Variants in CDON observed in about 807,000 individuals in gnomAD.
CDON encodes cell adhesion associated, oncogene regulated.
In CDON, 73 loss-of-function variants were observed where a neutral mutation model predicts 120.9. That is an observed-to-expected ratio of 0.60 (90% CI 0.50 to 0.73). CDON has a LOEUF of 0.73. Ranked by LOEUF, CDON falls within the 30% of genes least tolerant of loss-of-function variation. CDON has a pLI of 0.00. For synonymous variants in CDON, 566 were observed against 573.5 expected, an observed-to-expected ratio of 0.99 and a Z score of 0.19; for missense variants, 1,470 against 1,587.3, an observed-to-expected ratio of 0.93 and a Z score of 1.26.
intron 11 of CDON, among the ~76,000 whole-genome samples, chr11:126,000,866 AG>A (rs770212484): frequency 6.6e-5 from 10 of 152,200 alleles, no homozygotes; most frequent in Non-Finnish European, 1.0e-4. Context: ...TGAAATTTTA[AG>A]TCTTCCCTAG....
At chr11:126,051,731 T>C (rs1948563911) in intron 1 of CDON, among the ~76,000 whole-genome samples, 1 of 150,068 alleles carries the variant, frequency 6.7e-6, no homozygotes, top group Admixed American at 6.8e-5. Context: ...CCCTGCAACC[T>C]CTGCCTCCCG....
At chr11:126,050,533 A>ACACACAC (rs1555140419) in intron 1 of CDON, among the ~76,000 whole-genome samples, 48 of 132,334 alleles carry the variant, frequency 3.6e-4, no homozygotes, top group East Asian at 9.4e-4. Context: ...CACACACACA[A>ACACACAC]ACAAAAAAAA....
At chr11:125,997,102 G>T in intron 12 of CDON, 105 bp downstream of exon 12, 1 of 885,532 alleles carries the variant, frequency 1.1e-6, no homozygotes, top group Non-Finnish European at 1.8e-6. Flanking sequence ...TTATGCCACT[G>T]CACTCCAGCC....
chr11:126,024,288 A>C (rs1947725097), intron 1 of CDON, among the ~76,000 whole-genome samples: 1 of 152,228 alleles, frequency 6.6e-6, no homozygotes, highest in African/African-American at 2.4e-5. Context: ...AATGTTATTT[A>C]TGCTTTAAAA....
At chr11:126,009,414 G>A (rs577531893) in intron 8 of CDON, among the ~76,000 whole-genome samples, 1 of 152,212 alleles carries the variant, frequency 6.6e-6, no homozygotes, top group Non-Finnish European at 1.5e-5. Context: ...GGCCAGGGGA[G>A]AGGAACTGTG....
Position 125,970,249 on chromosome 11 carries a change from A to C in CDON, c.3356+8055T>G, listed in dbSNP as rs191694850. ...GAGTGCAGTGGCGCGATCTCGACTC[A>C]CCGCAACCTCTGCCTCCCGGATTCA... is the stretch of plus-strand genomic sequence containing the variant. On this transcript the variant is annotated intron_variant, in intron 18 of 19. Transcript: ENST00000531738. Among the ~76,000 whole-genome samples the C allele has an allele frequency of 2.7e-3, 388 of 143,076 alleles. 9 individuals are homozygous for C. The East Asian group carries it at 0.068, about 25-fold the overall frequency. The allele number at this position is 143,076 out of a possible 152,430, so 93.9% of individuals were successfully genotyped here. A position where few individuals can be genotyped will look rare whatever the true frequency, so the allele number is the denominator to read the frequency against.
intron 18 of CDON, among the ~76,000 whole-genome samples, chr11:125,967,115 A>G (rs1360017835): frequency 6.6e-6 from 1 of 152,252 alleles, no homozygotes; most frequent in Non-Finnish European, 1.5e-5. Flanking sequence ...AAAAGCAGTA[A>G]TGTTAATATC....
intron 14 of CDON, among the ~76,000 whole-genome samples, chr11:125,990,463 C>A (rs1946604903): frequency 6.6e-6 from 1 of 152,172 alleles, no homozygotes; most frequent in African/African-American, 2.4e-5. Context: ...ACTGAACACT[C>A]CAGTAGAAAT....
intron 18 of CDON, among the ~76,000 whole-genome samples, chr11:125,967,683 T>C (rs1033294272): frequency 2.6e-5 from 4 of 152,210 alleles, no homozygotes; most frequent in Non-Finnish European, 5.9e-5. Context: ...TCTCACTCTG[T>C]TGCCCAGGCT....
At chr11:126,027,761 G>A (rs1295606165) in intron 1 of CDON, among the ~76,000 whole-genome samples, 1 of 151,976 alleles carries the variant, frequency 6.6e-6, no homozygotes, top group Non-Finnish European at 1.5e-5. Context: ...TTTCAATCTG[G>A]AAATAATGAC....
chr11:125,973,707 T>C (rs1170122361), intron 18 of CDON, among the ~76,000 whole-genome samples: 3 of 152,150 alleles, frequency 2.0e-5, no homozygotes, highest in East Asian at 3.9e-4. Flanking sequence ...GTTTTAGAGA[T>C]TGTGTATAAA....
Position 125,978,285 on chromosome 11 carries a change from A to G in CDON, c.3356+19T>C, listed in dbSNP as rs766681106. 9.7e-6 allele frequency: 14 copies of G among 1,437,736 alleles called. No homozygotes were observed. Among genetic ancestry groups the G allele is most frequent in the Non-Finnish European group, 1.3e-5 (13 of 1,024,460 alleles). The allele number at this position is 1,437,736 out of a possible 1,614,324, so 89.1% of individuals were successfully genotyped here. A position where few individuals can be genotyped will look rare whatever the true frequency, so the allele number is the denominator to read the frequency against. On this transcript the variant is annotated intron_variant, in intron 18 of 19. Transcript: ENST00000531738. ...ATGCCTTATTCACAACAGCTTGTGC[A>G]GACACATTATTAACATACCTATTGT...
At chr11:125,982,009 G>GTTTTTTTTTTTTTTT (rs1946326534) in intron 16 of CDON, among the ~76,000 whole-genome samples, 1 of 62,292 alleles carries the variant, frequency 1.6e-5, no homozygotes, top group African/African-American at 8.5e-5. Context: ...TTGAGATGGA[G>GTTTTTTTTTTTTTTT]TTTCGCTCTT....
chr11:125,995,657 C>T (rs1018650110), intron 12 of CDON, among the ~76,000 whole-genome samples: 5 of 152,162 alleles, frequency 3.3e-5, no homozygotes, highest in African/African-American at 1.2e-4. Flanking sequence ...TTCTGAAAAT[C>T]GGAACCTAAA....
chr11:125,995,942 G>A (rs1946768470), intron 12 of CDON, among the ~76,000 whole-genome samples: 1 of 152,146 alleles, frequency 6.6e-6, no homozygotes, highest in South Asian at 2.1e-4. Context: ...TATGCTTTTT[G>A]TCTTTTATGG....
intron 1 of CDON, among the ~76,000 whole-genome samples, chr11:126,028,907 C>A (rs751651887): frequency 6.6e-6 from 1 of 151,812 alleles, no homozygotes; most frequent in East Asian, 1.9e-4. Context: ...AAATCTTAAA[C>A]CACTCTTCTA....
At position 125,997,246 on chromosome 11, in the gene CDON, G is replaced by A. The variant is rs1314291903; in HGVS notation, c.2323C>T (p.Pro775Ser). ...CGAACTTCCACTGAAAGTTTGGAAG[G>A]AGGGATGTCTTCAGCTGCCACCAGC... ...NWLVAAEDIP[P>S]SKLSVEVRSL... The change falls in exon 12 of 20, where the codon CCT becomes TCT. Residue 775 changes from proline (P) to serine (S), a missense_variant. Transcript: ENST00000531738. 3 of 1,613,962 alleles carry A rather than the reference G, an allele frequency of 1.9e-6. No homozygotes were observed. The highest frequency in any genetic ancestry group is 1.7e-5 in the Admixed American group (1 of 60,002).
At chr11:126,001,463 C>G (rs1946942794) in intron 11 of CDON, among the ~76,000 whole-genome samples, 1 of 151,900 alleles carries the variant, frequency 6.6e-6, no homozygotes, top group South Asian at 2.1e-4. Flanking sequence ...CAGTGCCTAG[C>G]CACAAAACTC....
chr11:126,058,814 AG>A (rs1370246608), intron 1 of CDON, among the ~76,000 whole-genome samples: 4 of 152,200 alleles, frequency 2.6e-5, no homozygotes, highest in Non-Finnish European at 5.9e-5. Flanking sequence ...GCAGGGGAAA[AG>A]GGACTTGGGA....
Sources: gnomAD v4.1 joint callset for allele counts (sites outside exome capture counted in the v4.1 genomes callset) on GRCh38, gnomAD v4.1.1 for gene constraint, MANE v1.5 for transcripts, NCBI Gene and HGNC (gene_info 2026-07-23, HGNC 2026-07-21) for gene names.